The following FMN2 variants were observed in gnomAD, a reference collection of about 807,000 sequenced individuals.
The protein encoded by FMN2 is formin 2.
FMN2 carries 51 observed loss-of-function variants against 142.3 expected under a neutral mutation model. The ratio of observed to expected loss-of-function variants is 0.36; its 90% CI spans 0.29 to 0.45. The LOEUF is 0.45. Among genes scored for constraint, FMN2 ranks in the 20% least tolerant of loss-of-function variants. The pLI is 1.00. For missense variants in FMN2, 1,936 were observed against 2,122.8 expected, an observed-to-expected ratio of 0.91 and a Z score of 1.73; for synonymous variants, 882 against 869.8, an observed-to-expected ratio of 1.01 and a Z score of -0.25.
intron 13 of FMN2, among the ~76,000 whole-genome samples, chr1:240,338,243 T>C (rs1237464316): frequency 6.6e-6 from 1 of 152,182 alleles, no homozygotes; most frequent in Non-Finnish European, 1.5e-5. Context: ...ACCTTCAAGT[T>C]GAAGCAATGT....
chr1:240,093,462 G>A lies in FMN2; in HGVS notation c.1353G>A (p.Leu451=). 6.2e-7 allele frequency: 1 copy of A among 1,613,352 alleles called. No homozygotes were observed. The highest frequency in any genetic ancestry group is 8.5e-7 in the Non-Finnish European group (1 of 1,179,706). ...TCAAGAGGCGGCCGGAACCCTCCCT[G>A]AGCCGAGGGTCCAGAACTGCCCTGG... is the stretch of plus-strand genomic sequence containing the variant. ...PRIKRRPEPS[L]SRGSRTALAS... is the part of the protein sequence containing the mutation. Residue 451 remains leucine, a synonymous_variant, in exon 1 of 18, where the codon CTG becomes CTA. Coordinates refer to ENST00000319653, the MANE Select transcript of FMN2 (RefSeq NM_020066.5).
chr1:240,293,842 T>A (rs1669873889), intron 7 of FMN2, among the ~76,000 whole-genome samples: 1 of 152,190 alleles, frequency 6.6e-6, no homozygotes, highest in Non-Finnish European at 1.5e-5. Flanking sequence ...TTATCCATCC[T>A]GTGCTTCGAT....
intron 15 of FMN2, among the ~76,000 whole-genome samples, chr1:240,414,430 C>T (rs1238198703): frequency 6.6e-6 from 1 of 152,166 alleles, no homozygotes; most frequent in Non-Finnish European, 1.5e-5. Context: ...TTCAGGCCTT[C>T]GTGAAAGCTG....
At chr1:240,348,834 CT>C (rs1672002647) in intron 13 of FMN2, among the ~76,000 whole-genome samples, 1 of 152,152 alleles carries the variant, frequency 6.6e-6, no homozygotes, top group Non-Finnish European at 1.5e-5. Flanking sequence ...AATGTTTTTA[CT>C]GTTTCTATGT....
chr1:240,198,185 C>T (rs974455040), intron 4 of FMN2, among the ~76,000 whole-genome samples: 1 of 152,146 alleles, frequency 6.6e-6, no homozygotes. Flanking sequence ...TGGTCCAGTA[C>T]CTCCTGCAAC....
intron 7 of FMN2, among the ~76,000 whole-genome samples, chr1:240,266,537 A>C (rs1241285524): frequency 6.6e-6 from 1 of 152,070 alleles, no homozygotes; most frequent in Non-Finnish European, 1.5e-5. Context: ...TGCAAAGGAC[A>C]TGATTTTGTT....
chr1:240,099,188 T>TA (rs908521505), intron 1 of FMN2, among the ~76,000 whole-genome samples: 12 of 151,006 alleles, frequency 7.9e-5, no homozygotes, highest in Non-Finnish European at 1.5e-4. Context: ...TTTATTATCT[T>TA]AAAAAAAAAG....
intron 6 of FMN2, among the ~76,000 whole-genome samples, chr1:240,217,740 C>T (rs1666957545): frequency 2.7e-5 from 4 of 150,798 alleles, no homozygotes; most frequent in African/African-American, 7.3e-5. Context: ...TAATATTAAC[C>T]TCTGCTTTTA....
chr1:240,437,317 G>A (rs9729192), intron 15 of FMN2, among the ~76,000 whole-genome samples: 18,558 of 129,086 alleles, frequency 0.14, 3,000 homozygotes, highest in African/African-American at 0.44. Context: ...TTTTTGAGAC[G>A]GAGTCTGGCT....
chr1:240,255,457 A>T (rs546469685), intron 6 of FMN2, among the ~76,000 whole-genome samples: 7 of 152,250 alleles, frequency 4.6e-5, no homozygotes, highest in Admixed American at 4.6e-4. Context: ...AGTTTGGGAG[A>T]TCAATCAGAA....
At chr1:240,451,643 C>T (rs1676049254) in intron 16 of FMN2, among the ~76,000 whole-genome samples, 1 of 152,050 alleles carries the variant, frequency 6.6e-6, no homozygotes, top group Non-Finnish European at 1.5e-5. Context: ...CTAAAGATGA[C>T]CTCTGTCTCC....
intron 7 of FMN2, among the ~76,000 whole-genome samples, chr1:240,274,465 C>G (rs565698618): frequency 2.0e-5 from 3 of 151,930 alleles, no homozygotes; most frequent in Non-Finnish European, 4.4e-5. Context: ...GAATTGGAGA[C>G]GTGATTTGGA....
intron 2 of FMN2, among the ~76,000 whole-genome samples, chr1:240,139,643 A>G (rs1663096262): frequency 6.6e-6 from 1 of 152,248 alleles, no homozygotes; most frequent in Admixed American, 6.5e-5. Flanking sequence ...AATCAAGATA[A>G]AGACTGAAAG....
intron 8 of FMN2, among the ~76,000 whole-genome samples, chr1:240,301,126 A>G (rs1670184077): frequency 6.8e-6 from 1 of 147,200 alleles, no homozygotes; most frequent in African/African-American, 2.5e-5. Context: ...CTACCTTATT[A>G]TTTACATGGT....
rs193239506 is a variant in FMN2 at position 240,367,552 on chromosome 1, A to T, written c.4858+11644A>T. ...TGGAGGCCAAGGTGGGTGGATCACG[A>T]GGTCAGGAGATCGAGACCATCCTGG... On this transcript the variant is annotated intron_variant, in intron 14 of 17. Transcript: ENST00000319653. Among the ~76,000 whole-genome samples the T allele has an allele frequency of 6.1e-3, 921 of 152,162 alleles. 9 individuals carry two copies. The highest frequency in any genetic ancestry group is 0.021 in the African/African-American group (875 of 41,520).
At chr1:240,328,042 G>A (rs1451946757) in intron 8 of FMN2, among the ~76,000 whole-genome samples, 2 of 150,344 alleles carry the variant, frequency 1.3e-5, no homozygotes, top group Non-Finnish European at 3.0e-5. Flanking sequence ...CAGCTACTTA[G>A]GAGGCTGAGG....
chr1:240,173,695 G>GC (rs1224846239), intron 2 of FMN2, among the ~76,000 whole-genome samples: 14 of 152,142 alleles, frequency 9.2e-5, no homozygotes, highest in African/African-American at 3.1e-4. Context: ...AACCATGGAA[G>GC]AAATCTGTTT....
At chr1:240,449,557 C>T (rs12064827) in intron 16 of FMN2, among the ~76,000 whole-genome samples, 27,909 of 152,104 alleles carry the variant, frequency 0.18, 2,803 homozygotes, top group African/African-American at 0.23. Flanking sequence ...GCTGAAGAAC[C>T]GGCTATAGAA....
intron 2 of FMN2, among the ~76,000 whole-genome samples, chr1:240,149,039 C>A (rs1303493672): frequency 6.6e-6 from 1 of 151,998 alleles, no homozygotes; most frequent in East Asian, 1.9e-4. Flanking sequence ...ATATACTGTA[C>A]TCATAAGCCT....
Sources: allele counts gnomAD v4.1 joint callset (sites outside exome capture counted in the v4.1 genomes callset), GRCh38; gene constraint gnomAD v4.1.1; transcripts MANE v1.5; gene names NCBI Gene and HGNC (gene_info 2026-07-23, HGNC 2026-07-21).